The following IKZF2 variants were observed in gnomAD, a reference collection of about 807,000 sequenced individuals.
IKZF2 encodes IKAROS family zinc finger 2, also known as zinc finger protein Helios.
IKZF2 carries 15 observed loss-of-function variants against 49.2 expected under a neutral mutation model. That is an observed-to-expected ratio of 0.30 (90% CI 0.20 to 0.47). The LOEUF (loss-of-function observed/expected upper bound fraction) is 0.47. Ranked by LOEUF, IKZF2 falls within the 20% of genes least tolerant of loss-of-function variation. The pLI is 1.00. For synonymous variants in IKZF2, 227 were observed against 221.4 expected (o/e 1.03, Z -0.23); for missense variants, 567 against 664.6 (o/e 0.85, Z 1.61).
At chr2:213,075,585 A>C (rs13022006) in intron 4 of IKZF2, among the ~76,000 whole-genome samples, 53,139 of 152,018 alleles carry the variant, frequency 0.35, 11,657 homozygotes, top group East Asian at 0.72. Flanking sequence ...CTCTCATTTG[A>C]GAATCTGAAT....
At chr2:213,100,883 C>G (rs1185980502) in intron 4 of IKZF2, among the ~76,000 whole-genome samples, 2 of 151,954 alleles carry the variant, frequency 1.3e-5, no homozygotes, top group Non-Finnish European at 2.9e-5. Flanking sequence ...TCTTACAGAA[C>G]AGATAATACT....
intron 4 of IKZF2, among the ~76,000 whole-genome samples, chr2:213,100,738 G>A (rs1706561644): frequency 6.6e-6 from 1 of 151,844 alleles, no homozygotes; most frequent in Admixed American, 6.6e-5. Flanking sequence ...AGGAATACTT[G>A]GCAACATTAA....
In IKZF2 at chr2:213,057,141, A is replaced by G. The variant is rs747331572; in HGVS notation, c.140-42T>C. On this transcript the variant is annotated intron_variant, in intron 4 of 8. Transcript: ENST00000434687. Reference sequence around the variant, plus strand: ...AGAAAATAAATTTTAAATACATGTTATGTATTCTCACCTACATCTCTTTTC... The same window carrying G: ...AGAAAATAAATTTTAAATACATGTTGTGTATTCTCACCTACATCTCTTTTC... The G allele has an allele frequency of 2.6e-6, 4 of 1,536,816 alleles. No individual in the cohort carries two copies. The Admixed American group carries it at 7.2e-5, about 28-fold the overall frequency.
At chr2:213,134,498 G>C (rs2060585702) in intron 4 of IKZF2, among the ~76,000 whole-genome samples, 1 of 152,198 alleles carries the variant, frequency 6.6e-6, no homozygotes, top group Non-Finnish European at 1.5e-5. Flanking sequence ...ATTAGTCCAA[G>C]ATGGCCACTG....
intron 4 of IKZF2, among the ~76,000 whole-genome samples, chr2:213,093,172 G>A (rs1253023784): frequency 1.3e-5 from 2 of 152,132 alleles, no homozygotes; most frequent in Non-Finnish European, 2.9e-5. Context: ...ATTCTACCAA[G>A]TCAGTGTTCA....
At chr2:213,046,162 T>C (rs1216628062) in intron 6 of IKZF2, among the ~76,000 whole-genome samples, 1 of 152,180 alleles carries the variant, frequency 6.6e-6, no homozygotes, top group Non-Finnish European at 1.5e-5. Context: ...TACTGGGCCA[T>C]AGGACTCGGA....
chr2:213,122,090 A>G (rs2060077196), intron 4 of IKZF2, among the ~76,000 whole-genome samples: 1 of 152,224 alleles, frequency 6.6e-6, no homozygotes, highest in African/African-American at 2.4e-5. Context: ...AAAAGAAAAG[A>G]CAGACAGAGA....
In IKZF2 at chr2:213,005,646, T is replaced by C. The variant is rs1326567484; in HGVS notation, c.*1714A>G. 6.6e-6 allele frequency: 1 copy of C among 152,036 alleles called. No individual in the cohort carries two copies. The highest frequency in any genetic ancestry group is 1.9e-4 in the East Asian group (1 of 5,168). The allele number at this position is 152,036 out of a possible 1,614,324, so 9.4% of individuals were successfully genotyped here. On this transcript the variant is annotated 3_prime_UTR_variant, in exon 9 of 9. Coordinates refer to ENST00000434687, the MANE Select transcript of IKZF2 (RefSeq NM_001387220.1). ...CAGTTACTGCCTAACAGAATTTCAGTATTCACAAATGGTTATCAGATAATC... is the reference window on the plus strand; with the variant it reads ...CAGTTACTGCCTAACAGAATTTCAGCATTCACAAATGGTTATCAGATAATC...
intron 4 of IKZF2, among the ~76,000 whole-genome samples, chr2:213,125,907 CA>C (rs2060245055): frequency 6.6e-6 from 1 of 151,848 alleles, no homozygotes; most frequent in Non-Finnish European, 1.5e-5. Context: ...GGAAAGGAAA[CA>C]AAATATGTAG....
chr2:213,133,174 T>C (rs2060529564), intron 4 of IKZF2, among the ~76,000 whole-genome samples: 1 of 152,234 alleles, frequency 6.6e-6, no homozygotes, highest in Admixed American at 6.5e-5. Context: ...ATATTCTTTT[T>C]ATCTAACAAT....
chr2:213,074,618 C>T (rs189034980), intron 4 of IKZF2, among the ~76,000 whole-genome samples: 239 of 152,248 alleles, frequency 1.6e-3, no homozygotes, highest in Middle Eastern at 6.8e-3. Flanking sequence ...TAAATCCAAT[C>T]AATGGATTTT....
intron 4 of IKZF2, among the ~76,000 whole-genome samples, chr2:213,129,479 C>T (rs971589752): frequency 2.0e-5 from 3 of 150,472 alleles, no homozygotes; most frequent in African/African-American, 7.4e-5. Flanking sequence ...TGCCATGTCC[C>T]GGAAAAGAAA....
intron 4 of IKZF2, among the ~76,000 whole-genome samples, chr2:213,068,564 A>G (rs1561669): frequency 0.049 from 7,392 of 152,106 alleles, 316 homozygotes; most frequent in African/African-American, 0.12. Context: ...AATTTGTGTA[A>G]TTGGTAATAG....
intron 8 of IKZF2, among the ~76,000 whole-genome samples, chr2:213,010,660 G>C (rs1460296633): frequency 2.0e-5 from 3 of 152,048 alleles, no homozygotes; most frequent in Non-Finnish European, 4.4e-5. Flanking sequence ...TGCAGGCTGG[G>C]GTGTCCATAC....
Position 213,022,144 on chromosome 2 carries a change from T to A in IKZF2, c.575-14A>T. On this transcript the variant is annotated splice_polypyrimidine_tract_variant and intron_variant, in intron 6 of 8. Transcript: ENST00000434687. The stretch of plus-strand genomic sequence containing the variant: ...GAGGTTTACCCACTGTGAAGAGAAC[T>A]CAAGGTCAGTGTGCTGTTAGTCTCA... 1.2e-5 allele frequency: 19 copies of A among 1,591,966 alleles called. No individual in the cohort carries two copies. The highest frequency in any genetic ancestry group is 1.6e-5 in the Non-Finnish European group (19 of 1,168,922).
rs561237857 is a variant in IKZF2 at position 213,098,601 on chromosome 2, G to A, written c.140-41502C>T. ...CATAACTACTTTGCAATTACTTTTT[G>A]CCATATATAAAGAGAAAGAAGTCCT... On this transcript the variant is annotated intron_variant, in intron 4 of 8. Coordinates refer to ENST00000434687, the MANE Select transcript of IKZF2 (RefSeq NM_001387220.1). 2.0e-5 allele frequency among the ~76,000 whole-genome samples: 3 copies of A among 152,124 alleles called. No individual in the cohort carries two copies. In the South Asian group the frequency reaches 6.2e-4, roughly 32 times the overall value.
chr2:213,021,918 A>T (rs1013230148), intron 7 of IKZF2, 75 bp downstream of exon 7: 7 of 574,274 alleles, frequency 1.2e-5, no homozygotes, highest in Non-Finnish European at 1.8e-5. Flanking sequence ...TTTAAACAGC[A>T]TAAGATTTTA....
intron 8 of IKZF2, among the ~76,000 whole-genome samples, chr2:213,010,170 T>G (rs1695789689): frequency 6.6e-6 from 1 of 151,858 alleles, no homozygotes. Flanking sequence ...GGACTATGAG[T>G]AATAATAATG....
intron 6 of IKZF2, among the ~76,000 whole-genome samples, chr2:213,046,730 A>G (rs768183134): frequency 6.6e-6 from 1 of 152,180 alleles, no homozygotes; most frequent in Non-Finnish European, 1.5e-5. Context: ...ATTGGTACAA[A>G]ATGTAATGAT....
Sources: gnomAD v4.1 joint callset for allele counts (sites outside exome capture counted in the v4.1 genomes callset) on GRCh38, gnomAD v4.1.1 for gene constraint, MANE v1.5 for transcripts, NCBI Gene and HGNC (gene_info 2026-07-23, HGNC 2026-07-21) for gene names.